TRAF3IP1: variants seen among roughly 807,000 people sequenced by gnomAD.
TRAF3IP1 encodes intraflagellar transport 54.
TRAF3IP1 carries 53 observed loss-of-function variants against 89.9 expected under a neutral mutation model. That is an observed-to-expected ratio of 0.59 (90% CI 0.47 to 0.74). TRAF3IP1 has a LOEUF of 0.74. Among genes scored for constraint, TRAF3IP1 ranks in the 30% least tolerant of loss-of-function variants. The pLI, the probability that TRAF3IP1 is intolerant of heterozygous loss-of-function variation, is 0.00. For synonymous variants in TRAF3IP1, 311 were observed against 322.1 expected (o/e 0.97, Z 0.37); for missense variants, 806 against 866.1 (o/e 0.93, Z 0.87).
chr2:238,353,937 C>G lies in TRAF3IP1; in HGVS notation c.1612+728C>G, dbSNP rs189269587. On this transcript the variant is annotated intron_variant, in intron 14 of 16. Coordinates refer to ENST00000373327, the MANE Select transcript of TRAF3IP1 (RefSeq NM_015650.4). ...TACAGGCGTGCACCACTATGCCTGG[C>G]CAATTTTTGTATTTTTAGTAGAGAC... 3.1e-3 allele frequency among the ~76,000 whole-genome samples: 476 copies of G among 152,238 alleles called. 1 individual carries two copies. The highest frequency in any genetic ancestry group is 5.1e-3 in the Non-Finnish European group (349 of 67,998).
At chr2:238,358,010 A>G (rs181178038) in intron 15 of TRAF3IP1, among the ~76,000 whole-genome samples, 12 of 152,312 alleles carry the variant, frequency 7.9e-5, no homozygotes, top group Non-Finnish European at 1.6e-4. Context: ...TGTATGTTAC[A>G]GTTAGGGGAA....
intron 3 of TRAF3IP1, among the ~76,000 whole-genome samples, chr2:238,328,325 T>C (rs1301332706): frequency 6.6e-6 from 1 of 152,196 alleles, no homozygotes; most frequent in East Asian, 1.9e-4. Context: ...AAGGCACTTA[T>C]GGCTGGGATT....
At chr2:238,339,896 A>G (rs1033416787) in intron 8 of TRAF3IP1, among the ~76,000 whole-genome samples, 1 of 152,272 alleles carries the variant, frequency 6.6e-6, no homozygotes, top group Non-Finnish European at 1.5e-5. Flanking sequence ...GGTAATATCA[A>G]CAAGTGTGAA....
chr2:238,320,531 G>A lies in TRAF3IP1; in HGVS notation c.-132G>A. ...GTGGGCTCCGGTGCACTGTGGGATG[G>A]AAACCGGAGCGGCGCGTCCTGGCAG... is the stretch of plus-strand genomic sequence containing the variant. On this transcript the variant is annotated 5_prime_UTR_variant, in exon 1 of 17. Coordinates refer to ENST00000373327, the MANE Select transcript of TRAF3IP1 (RefSeq NM_015650.4). The A allele has an allele frequency of 4.9e-6, 5 of 1,013,300 alleles. No individual in the cohort carries two copies. The highest frequency in any genetic ancestry group is 1.7e-5 in the African/African-American group (1 of 57,722). The allele number at this position is 1,013,300 out of a possible 1,614,324, so 62.8% of individuals were successfully genotyped here.
chr2:238,355,741 G>T (rs926808814), intron 14 of TRAF3IP1, among the ~76,000 whole-genome samples: 4 of 152,150 alleles, frequency 2.6e-5, no homozygotes, highest in Non-Finnish European at 5.9e-5. Flanking sequence ...TTTGAAAATA[G>T]AAAATCTATT....
chr2:238,348,991 A>G (rs1405513905), intron 11 of TRAF3IP1, 143 bp downstream of exon 11: 2 of 722,540 alleles, frequency 2.8e-6, no homozygotes, highest in Admixed American at 2.7e-5. Flanking sequence ...CAAGAAGTAT[A>G]TCAGTTTTCT....
chr2:238,341,941 T>C (rs1482036738), intron 8 of TRAF3IP1, among the ~76,000 whole-genome samples: 1 of 151,700 alleles, frequency 6.6e-6, no homozygotes. Flanking sequence ...ATTGTGCTTA[T>C]GCTGTGACTC....
chr2:238,338,557 C>T, intron 8 of TRAF3IP1, 100 bp downstream of exon 8: 2 of 653,020 alleles, frequency 3.1e-6, no homozygotes, highest in Non-Finnish European at 5.0e-6. Context: ...ATTCTAACTA[C>T]TTTAATGTTC....
chr2:238,385,739 G>C (rs1018272354), intron 15 of TRAF3IP1, among the ~76,000 whole-genome samples: 13 of 152,202 alleles, frequency 8.5e-5, no homozygotes, highest in African/African-American at 2.9e-4. Context: ...TGATGAGAAT[G>C]TTTCTTTCCT....
chr2:238,325,261 G>T, intron 1 of TRAF3IP1, 45 bp from the exon 2 acceptor site: 1 of 1,590,724 alleles, frequency 6.3e-7, no homozygotes, highest in Non-Finnish European at 8.6e-7. Context: ...CTGATGAGGA[G>T]GCTGTCTGTG....
At position 238,320,659 on chromosome 2, in the gene TRAF3IP1, C is replaced by T. The variant is rs1259235005; in HGVS notation, c.-4C>T. On this transcript the variant is annotated 5_prime_UTR_variant, in exon 1 of 17. Coordinates refer to ENST00000373327, the MANE Select transcript of TRAF3IP1 (RefSeq NM_015650.4). ...CGGGCGGCCAGCGGGCGGCGGACGCCGTCATGAACGCGGCGGTGGTGAGGC... is the reference window on the plus strand; with the variant it reads ...CGGGCGGCCAGCGGGCGGCGGACGCTGTCATGAACGCGGCGGTGGTGAGGC... 1.5e-6 allele frequency: 2 copies of T among 1,356,360 alleles called. No homozygotes were observed. Among genetic ancestry groups the T allele is most frequent in the Non-Finnish European group, 1.9e-6 (2 of 1,036,916 alleles). 84.0% of individuals were successfully genotyped at this position (1,356,360 alleles called of 1,614,324 possible). A position where few individuals can be genotyped will look rare whatever the true frequency, so the allele number is the denominator to read the frequency against.
chr2:238,347,558 C>A, intron 10 of TRAF3IP1, 83 bp downstream of exon 10: 1 of 1,407,074 alleles, frequency 7.1e-7, no homozygotes, highest in Non-Finnish European at 1.0e-6. Flanking sequence ...CAGATTCATG[C>A]TTTATAAAGT....
At chr2:238,377,513 A>G (rs1700371718) in intron 15 of TRAF3IP1, among the ~76,000 whole-genome samples, 1 of 151,968 alleles carries the variant, frequency 6.6e-6, no homozygotes, top group Non-Finnish European at 1.5e-5. Flanking sequence ...TCACTATATG[A>G]TTGTAGCTTT....
intron 8 of TRAF3IP1, among the ~76,000 whole-genome samples, chr2:238,341,052 G>T: frequency 6.6e-6 from 1 of 152,012 alleles, no homozygotes; most frequent in Admixed American, 6.6e-5. Context: ...ACAGGGCTTT[G>T]CTCTGTCACT....
rs553073196 is a variant in TRAF3IP1, at chr2:238,354,713, C to T, written c.1613-1291C>T. Reference sequence around the variant, plus strand: ...TCGCCCAGGCTGGAGTGCAGTGGCGCGATCTTGGCTCACTGCAACCTCTGC... The same window carrying T: ...TCGCCCAGGCTGGAGTGCAGTGGCGTGATCTTGGCTCACTGCAACCTCTGC... On this transcript the variant is annotated intron_variant, in intron 14 of 16. Transcript: ENST00000373327. 4.6e-5 allele frequency among the ~76,000 whole-genome samples: 7 copies of T among 152,194 alleles called. No individual in the cohort carries two copies. The South Asian group carries it at 6.2e-4, about 14-fold the overall frequency.
chr2:238,371,235 A>T (rs1379769466), intron 15 of TRAF3IP1, among the ~76,000 whole-genome samples: 1 of 152,024 alleles, frequency 6.6e-6, no homozygotes, highest in African/African-American at 2.4e-5. Flanking sequence ...TAAAAAGGAA[A>T]CTCACAATAT....
In TRAF3IP1 at chr2:238,338,440, C is replaced by T. The variant is rs766887017; in HGVS notation, c.1142C>T (p.Thr381Met). 25 of 1,586,620 alleles carry T rather than the reference C, an allele frequency of 1.6e-5. No homozygotes were observed. Among genetic ancestry groups the T allele is most frequent in the Admixed American group, 1.1e-4 (6 of 56,098 alleles). ...SGINNEPNQE[T>M]TTSEIGTKEA... Reference sequence around the variant, plus strand: ...ATAAATAATGAGCCAAATCAGGAAACGACAACATCAGAAATAGGTAAGAAA... The same window carrying T: ...ATAAATAATGAGCCAAATCAGGAAATGACAACATCAGAAATAGGTAAGAAA... Residue 381 changes from threonine (T) to methionine (M), a missense_variant, in exon 8 of 17, where the codon ACG becomes ATG. This residue lies in a region of TRAF3IP1 where 732 missense variants were observed against 780.5 expected (regional missense o/e 0.94). Coordinates refer to ENST00000373327, the MANE Select transcript of TRAF3IP1 (RefSeq NM_015650.4).
intron 8 of TRAF3IP1, among the ~76,000 whole-genome samples, chr2:238,342,842 T>C (rs1329210827): frequency 6.6e-6 from 1 of 152,258 alleles, no homozygotes; most frequent in Non-Finnish European, 1.5e-5. Flanking sequence ...ATCTATTTTA[T>C]GTAGTTCTAT....
chr2:238,353,762 G>T (rs1011604545), intron 14 of TRAF3IP1, among the ~76,000 whole-genome samples: 8 of 151,952 alleles, frequency 5.3e-5, no homozygotes, highest in Non-Finnish European at 8.8e-5. Flanking sequence ...GTTTTTTTTG[G>T]TATCTATATG....
Sources: allele counts gnomAD v4.1 joint callset (sites outside exome capture counted in the v4.1 genomes callset), GRCh38; gene constraint gnomAD v4.1.1; regional missense constraint gnomAD v4.1.1; transcripts MANE v1.5; gene names NCBI Gene and HGNC (gene_info 2026-07-23, HGNC 2026-07-21).